TMEM178B: variants seen among roughly 807,000 people sequenced by gnomAD.
The protein encoded by TMEM178B is transmembrane protein 178B.
Under a neutral mutation model 31.0 loss-of-function variants are expected in TMEM178B, and 5 were observed. That is an observed-to-expected ratio of 0.16 (90% confidence interval 0.08 to 0.34). TMEM178B has a LOEUF of 0.34. TMEM178B is among the 10% of genes least tolerant of loss of function. The pLI is 1.00. For missense variants in TMEM178B, 275 were observed against 400.3 expected, an observed-to-expected ratio of 0.69 and a Z score of 2.67; for synonymous variants, 164 against 164.0, an observed-to-expected ratio of 1.00 and a Z score of 0.00.
chr7:141,162,806 G>T (rs1796197117), intron 1 of TMEM178B, among the ~76,000 whole-genome samples: 1 of 152,230 alleles, frequency 6.6e-6, no homozygotes, highest in Non-Finnish European at 1.5e-5. Context: ...GCTCCAGAGA[G>T]TGTGTAGGCA....
chr7:141,408,991 T>C (rs1490420579), intron 2 of TMEM178B, among the ~76,000 whole-genome samples: 1 of 151,922 alleles, frequency 6.6e-6, no homozygotes, highest in South Asian at 2.1e-4. Flanking sequence ...CAGGAAACAA[T>C]GAGAGAAAAG....
chr7:141,102,344 A>G (rs138885212), intron 1 of TMEM178B, among the ~76,000 whole-genome samples: 2 of 152,312 alleles, frequency 1.3e-5, no homozygotes, highest in East Asian at 1.9e-4. Context: ...GCTTTGACCT[A>G]TATAGGACAG....
At chr7:141,323,729 C>T (rs1799140283) in intron 2 of TMEM178B, among the ~76,000 whole-genome samples, 1 of 151,978 alleles carries the variant, frequency 6.6e-6, no homozygotes, top group East Asian at 1.9e-4. Context: ...GACAAAAATC[C>T]CTGCCCTTAT....
chr7:141,216,028 A>G (rs545557885), intron 2 of TMEM178B, among the ~76,000 whole-genome samples: 1 of 150,542 alleles, frequency 6.6e-6, no homozygotes, highest in African/African-American at 2.4e-5. Context: ...ACCGGATTTC[A>G]CCATGTTGGC....
chr7:141,109,949 T>G (rs552553803), intron 1 of TMEM178B, among the ~76,000 whole-genome samples: 18 of 151,884 alleles, frequency 1.2e-4, no homozygotes, highest in Admixed American at 5.3e-4. Flanking sequence ...TCTGTCGCTC[T>G]CTCTCTCTCT....
chr7:141,219,683 C>T (rs1333417427), intron 2 of TMEM178B, among the ~76,000 whole-genome samples: 2 of 152,182 alleles, frequency 1.3e-5, no homozygotes, highest in Non-Finnish European at 2.9e-5. Context: ...CTGCCTTGTG[C>T]CTGTCCTCCC....
chr7:141,151,100 G>A (rs1316160361), intron 1 of TMEM178B, among the ~76,000 whole-genome samples: 1 of 152,190 alleles, frequency 6.6e-6, no homozygotes, highest in African/African-American at 2.4e-5. Flanking sequence ...ATGCCTGGCA[G>A]GGTGGTAGAT....
At chr7:141,105,529 CA>C (rs1357790687) in intron 1 of TMEM178B, among the ~76,000 whole-genome samples, 2 of 151,960 alleles carry the variant, frequency 1.3e-5, no homozygotes, top group Non-Finnish European at 2.9e-5. Context: ...AAACAAAACA[CA>C]AAAAACATAT....
intron 2 of TMEM178B, among the ~76,000 whole-genome samples, chr7:141,249,870 C>A (rs919056734): frequency 2.0e-5 from 3 of 152,256 alleles, no homozygotes; most frequent in African/African-American, 7.2e-5. Context: ...ATGAGACTTT[C>A]CTTTATCTAA....
chr7:141,348,952 G>A (rs1436139403), intron 2 of TMEM178B, among the ~76,000 whole-genome samples: 2 of 152,102 alleles, frequency 1.3e-5, no homozygotes, highest in Non-Finnish European at 2.9e-5. Context: ...ACGGCGGCAG[G>A]GTATCGCTGA....
At chr7:141,498,235 CA>C in the TMEM178B span, among the ~76,000 whole-genome samples, 1 of 152,154 alleles carries the variant, frequency 6.6e-6, no homozygotes, top group Non-Finnish European at 1.5e-5. Context: ...CTACCAATTC[CA>C]AGGCTTACAT....
intron 1 of TMEM178B, among the ~76,000 whole-genome samples, chr7:141,180,870 G>A (rs1200072963): frequency 6.6e-6 from 1 of 152,064 alleles, no homozygotes; most frequent in Admixed American, 6.5e-5. Flanking sequence ...ACTTCCACTT[G>A]TAAACTTCTA....
chr7:141,390,651 C>G (rs912169796), intron 2 of TMEM178B, among the ~76,000 whole-genome samples: 1 of 152,236 alleles, frequency 6.6e-6, no homozygotes, highest in Admixed American at 6.5e-5. Flanking sequence ...CGTTCTGACA[C>G]GACATGTGAT....
chr7:141,234,312 G>A (rs767399258), intron 2 of TMEM178B, among the ~76,000 whole-genome samples: 5 of 152,204 alleles, frequency 3.3e-5, no homozygotes, highest in African/African-American at 4.8e-5. Context: ...GGATGATCTG[G>A]TGAGAGTTTT....
intron 2 of TMEM178B, among the ~76,000 whole-genome samples, chr7:141,244,440 A>G (rs1466854826): frequency 6.6e-6 from 1 of 152,226 alleles, no homozygotes; most frequent in Non-Finnish European, 1.5e-5. Flanking sequence ...TTGAGTTGGA[A>G]TAAAAGGGGC....
intron 1 of TMEM178B, among the ~76,000 whole-genome samples, chr7:141,179,150 GA>G (rs1283133085): frequency 1.3e-5 from 2 of 152,174 alleles, no homozygotes; most frequent in Non-Finnish European, 2.9e-5. Context: ...CTTCAGACTA[GA>G]AAGCTAAAGG....
intron 2 of TMEM178B, among the ~76,000 whole-genome samples, chr7:141,411,626 A>G (rs1233185539): frequency 6.6e-6 from 1 of 152,230 alleles, no homozygotes; most frequent in East Asian, 1.9e-4. Flanking sequence ...CACAAAAATC[A>G]TCGTGTTTGT....
chr7:141,375,741 G>C (rs1420143592), intron 2 of TMEM178B, among the ~76,000 whole-genome samples: 1 of 152,204 alleles, frequency 6.6e-6, no homozygotes, highest in African/African-American at 2.4e-5. Flanking sequence ...TGGTCATGTT[G>C]TGGGTCTGTA....
intron 1 of TMEM178B, among the ~76,000 whole-genome samples, chr7:141,185,494 A>T (rs1168849775): frequency 6.6e-6 from 1 of 152,156 alleles, no homozygotes; most frequent in South Asian, 2.1e-4. Flanking sequence ...GCCTGCTGGC[A>T]TGTGGGTGCC....
Sources: allele counts gnomAD v4.1 joint callset (sites outside exome capture counted in the v4.1 genomes callset), GRCh38; gene constraint gnomAD v4.1.1; transcripts MANE v1.5; gene names NCBI Gene and HGNC (gene_info 2026-07-23, HGNC 2026-07-21).